The following DST variants were observed in gnomAD, a reference collection of about 807,000 sequenced individuals.
The protein encoded by DST is dystonin.
Under a neutral mutation model 875.2 loss-of-function variants are expected in DST, and 253 were observed. That is an observed-to-expected ratio of 0.29 (90% CI 0.26 to 0.32). DST has a LOEUF of 0.32. Among genes scored for constraint, DST ranks in the 10% least tolerant of loss-of-function variants. DST has a pLI of 1.00. For synonymous variants in DST, 3,124 were observed against 3,197.1 expected, an observed-to-expected ratio of 0.98 and a Z score of 0.77; for missense variants, 8,287 against 9,111.6, an observed-to-expected ratio of 0.91 and a Z score of 3.68.
intron 32 of DST, 108 bp from the exon 33 acceptor site, chr6:56,628,269 A>G (rs759134012): frequency 3.6e-5 from 35 of 970,270 alleles, no homozygotes; most frequent in Middle Eastern, 2.1e-4. Flanking sequence ...TGAACTAAGC[A>G]CAAGACGGGT....
intron 39 of DST, among the ~76,000 whole-genome samples, chr6:56,609,772 C>G (rs539790420): frequency 6.6e-6 from 1 of 152,196 alleles, no homozygotes; most frequent in East Asian, 1.9e-4. Flanking sequence ...ATACAGACTT[C>G]TTCAAAGATA....
intron 92 of DST, among the ~76,000 whole-genome samples, chr6:56,475,738 G>A (rs963342710): frequency 6.6e-6 from 1 of 152,196 alleles, no homozygotes; most frequent in Non-Finnish European, 1.5e-5. Context: ...ATTTAATGTG[G>A]ATACCTTAAT....
chr6:56,875,183 A>G (rs1197476418), intron 3 of DST, among the ~76,000 whole-genome samples: 5 of 151,978 alleles, frequency 3.3e-5, no homozygotes, highest in Non-Finnish European at 7.4e-5. Context: ...ACGGGGTTTC[A>G]CCATGTTAGC....
chr6:56,787,287 C>A (rs938807171), intron 4 of DST, among the ~76,000 whole-genome samples: 4 of 152,042 alleles, frequency 2.6e-5, no homozygotes, highest in African/African-American at 9.7e-5. Flanking sequence ...ATTCTATTCA[C>A]AAAAAATAAG....
chr6:56,529,817 T>C (rs557092123), intron 65 of DST, 43 bp from the exon 66 acceptor site: 14 of 1,464,612 alleles, frequency 9.6e-6, no homozygotes, highest in Non-Finnish European at 1.3e-5. Flanking sequence ...ACAAAAAGAA[T>C]GGACAAATAA....
At chr6:56,615,635 T>G in intron 36 of DST, 1 of 1,614,152 alleles carries the variant, frequency 6.2e-7, no homozygotes, top group South Asian at 1.1e-5. Flanking sequence ...ATATGTCAAC[T>G]TTCTTTTTGT....
intron 78 of DST, 133 bp downstream of exon 78, chr6:56,503,864 T>A: frequency 1.8e-6 from 1 of 569,494 alleles, no homozygotes; most frequent in Non-Finnish European, 3.0e-6. Flanking sequence ...GTGAAAGCAC[T>A]ATGTACATTA....
intron 3 of DST, among the ~76,000 whole-genome samples, chr6:56,890,523 A>G (rs1356672986): frequency 2.6e-5 from 4 of 152,268 alleles, no homozygotes; most frequent in African/African-American, 9.6e-5. Flanking sequence ...AGAGGAAATC[A>G]GGATAAATTT....
Position 56,640,446 on chromosome 6 carries a change from C to T in DST, c.2187G>A (p.Leu729=). ...TTAAACTCTGGGTCAGCCCTGAGGTCAGACTAGGGTGTAAGGTCTGTGCAA... is the reference window on the plus strand; with the variant it reads ...TTAAACTCTGGGTCAGCCCTGAGGTTAGACTAGGGTGTAAGGTCTGTGCAA... ...SGFAQTLHPS[L]TSGLTQSLTP... is the part of the protein sequence containing the mutation. Residue 729 remains leucine, a synonymous_variant, in exon 18 of 104, where the codon CTG becomes CTA. Transcript: ENST00000680361. 1.2e-6 allele frequency: 2 copies of T among 1,614,182 alleles called. No individual in the cohort carries two copies.
intron 45 of DST, among the ~76,000 whole-genome samples, chr6:56,599,750 AAGT>A (rs2098426160): frequency 6.6e-6 from 1 of 152,080 alleles, no homozygotes; most frequent in South Asian, 2.1e-4. Flanking sequence ...TCTGATTTGC[AAGT>A]AGTAAGTAGG....
At chr6:56,580,894 A>G (rs943928297) in intron 49 of DST, among the ~76,000 whole-genome samples, 1 of 151,028 alleles carries the variant, frequency 6.6e-6, no homozygotes, top group Non-Finnish European at 1.5e-5. Flanking sequence ...CACCATGCCC[A>G]GCTAATTTTT....
chr6:56,619,631 T>G, intron 36 of DST: 4 of 1,613,916 alleles, frequency 2.5e-6, no homozygotes, highest in Non-Finnish European at 3.4e-6. Context: ...TAACTGATAA[T>G]TGCGCTTTAT....
Position 56,605,121 on chromosome 6 carries a change from T to A in DST, c.9507A>T (p.Ser3169=). 17 of 1,612,708 alleles carry A rather than the reference T, an allele frequency of 1.1e-5. No homozygotes were observed. Among genetic ancestry groups the A allele is most frequent in the Non-Finnish European group, 1.4e-5 (16 of 1,179,298 alleles). The change falls in exon 40 of 104, where the codon TCA becomes TCT. Residue 3169 remains serine, a synonymous_variant. Coordinates refer to ENST00000680361, the MANE Select transcript of DST (RefSeq NM_001374736.1). ...SWEGNTHFEE[S]FTDGPEKELD... ...GCTCTTTCTCAGGTCCATCAGTGAATGACTCCTCAAAATGTGTATTCCCTT... is the reference window on the plus strand; with the variant it reads ...GCTCTTTCTCAGGTCCATCAGTGAAAGACTCCTCAAAATGTGTATTCCCTT...
intron 92 of DST, among the ~76,000 whole-genome samples, chr6:56,475,916 C>T (rs1245614416): frequency 2.0e-5 from 3 of 152,008 alleles, no homozygotes; most frequent in African/African-American, 4.8e-5. Context: ...GACAATACCA[C>T]GAGTGTAACC....
intron 3 of DST, among the ~76,000 whole-genome samples, chr6:56,882,525 A>G (rs916396787): frequency 6.6e-6 from 1 of 152,252 alleles, no homozygotes; most frequent in Admixed American, 6.5e-5. Flanking sequence ...AAATGTATAA[A>G]TCACTGGCTT....
chr6:56,843,653 T>A, intron 4 of DST: 1 of 983,546 alleles, frequency 1.0e-6, no homozygotes, highest in Non-Finnish European at 1.2e-6. Context: ...TCTGCGGCAT[T>A]TCCTGGCCGC....
intron 2 of DST, among the ~76,000 whole-genome samples, chr6:56,934,052 G>C (rs796815611): frequency 3.3e-5 from 5 of 151,836 alleles, no homozygotes; most frequent in African/African-American, 1.2e-4. Flanking sequence ...ATTTTTTAGA[G>C]ATGGGGATCT....
At chr6:56,646,269 T>C in intron 13 of DST, 87 bp from the exon 14 acceptor site, 1 of 686,142 alleles carries the variant, frequency 1.5e-6, no homozygotes, top group East Asian at 2.8e-5. Context: ...AAGTGTTATG[T>C]ACTGTATCAT....
At chr6:56,538,737 A>T (rs932425885) in intron 61 of DST, among the ~76,000 whole-genome samples, 1 of 152,238 alleles carries the variant, frequency 6.6e-6, no homozygotes, top group African/African-American at 2.4e-5. Context: ...GACAATTTCC[A>T]TACTGGCAGT....
Sources: allele counts gnomAD v4.1 joint callset (sites outside exome capture counted in the v4.1 genomes callset), GRCh38; gene constraint gnomAD v4.1.1; transcripts MANE v1.5; gene names NCBI Gene and HGNC (gene_info 2026-07-23, HGNC 2026-07-21).